The following SGCG variants were observed in gnomAD, a reference collection of about 807,000 sequenced individuals.
SGCG encodes gamma-sarcoglycan.
In SGCG, 26 loss-of-function variants were observed where a neutral mutation model predicts 29.3. The observed-to-expected ratio is 0.89, with a 90% CI of 0.65 to 1.23. The LOEUF (loss-of-function observed/expected upper bound fraction) is 1.23. Ranked by LOEUF, SGCG falls within the 50% of genes most tolerant of loss-of-function variation. SGCG has a pLI of 0.00. For missense variants in SGCG, 353 were observed against 356.0 expected (o/e 0.99, Z 0.07); for synonymous variants, 145 against 129.7 (o/e 1.12, Z -0.80).
At chr13:23,288,390 T>G (rs1467528715) in intron 5 of SGCG, among the ~76,000 whole-genome samples, 2 of 151,988 alleles carry the variant, frequency 1.3e-5, no homozygotes, top group Non-Finnish European at 2.9e-5. Flanking sequence ...AACTCCTGAC[T>G]GCACCAAGTC....
At chr13:23,177,511 T>C (rs1593155793), upstream of SGCG, among the ~76,000 whole-genome samples, 1 of 151,684 alleles carries the variant, frequency 6.6e-6, no homozygotes, top group African/African-American at 2.4e-5. Flanking sequence ...ATATATACAA[T>C]TAATATGTGT....
intron 5 of SGCG, among the ~76,000 whole-genome samples, chr13:23,293,762 C>A (rs754899648): frequency 6.6e-6 from 1 of 150,530 alleles, no homozygotes; most frequent in African/African-American, 2.5e-5. Context: ...AACTGGGAGG[C>A]GGAGATTGCA....
At chr13:23,203,378 AT>A (rs1487108797) in intron 1 of SGCG, among the ~76,000 whole-genome samples, 1 of 152,232 alleles carries the variant, frequency 6.6e-6, no homozygotes, top group Non-Finnish European at 1.5e-5. Context: ...ACCCTGAAGA[AT>A]TCTGATAGAT....
At chr13:23,205,456 T>C (rs1877949619) in intron 2 of SGCG, among the ~76,000 whole-genome samples, 1 of 152,118 alleles carries the variant, frequency 6.6e-6, no homozygotes, top group Non-Finnish European at 1.5e-5. Flanking sequence ...AGGAGGCCCA[T>C]GGAAGGGCCT....
intron 1 of SGCG, among the ~76,000 whole-genome samples, chr13:23,188,387 G>A (rs1028952333): frequency 7.2e-6 from 1 of 138,854 alleles, no homozygotes; most frequent in East Asian, 2.1e-4. Context: ...GTGCAATGGA[G>A]CGATCTCGGC....
intron 2 of SGCG, among the ~76,000 whole-genome samples, chr13:23,221,489 T>C (rs1269984481): frequency 2.0e-5 from 3 of 152,218 alleles, no homozygotes; most frequent in Non-Finnish European, 4.4e-5. Context: ...GTGCTGTCTA[T>C]GGTGGATCTT....
intron 6 of SGCG, 94 bp downstream of exon 6, chr13:23,295,581 TTTC>T (rs1250514325): frequency 1.2e-6 from 1 of 866,142 alleles, no homozygotes; most frequent in Non-Finnish European, 2.0e-6. Flanking sequence ...TTCCTGACTG[TTTC>T]TTATTTCATC....
Position 23,203,740 on chromosome 13 carries a change from G to A in SGCG, c.46G>A (p.Glu16Lys), listed in dbSNP as rs546543109. 11 of 1,613,988 alleles carry A rather than the reference G, an allele frequency of 6.8e-6. No homozygotes were observed. The South Asian group carries it at 1.2e-4, about 18-fold the overall frequency. ...TACAGCCACAGAAGGCATCTGCATA[G>A]AGAGGCCAGAGAATCAGTATGTCTA... ...YTTATEGICI[E>K]RPENQYVYKI... The change falls in exon 2 of 8, where the codon GAG becomes AAG. Residue 16 changes from glutamate to lysine, a missense_variant. Coordinates refer to ENST00000218867, the MANE Select transcript of SGCG (RefSeq NM_000231.3).
chr13:23,226,233 TA>T (rs1298133314), intron 2 of SGCG, among the ~76,000 whole-genome samples: 1 of 152,014 alleles, frequency 6.6e-6, no homozygotes, highest in Non-Finnish European at 1.5e-5. Flanking sequence ...AAGAGACAGT[TA>T]AAAGAAAATA....
At chr13:23,285,709 T>C (rs963070998) in intron 5 of SGCG, among the ~76,000 whole-genome samples, 2 of 152,212 alleles carry the variant, frequency 1.3e-5, no homozygotes, top group African/African-American at 4.8e-5. Flanking sequence ...CCACCCAGTT[T>C]TGTGCTTGAA....
intron 7 of SGCG, among the ~76,000 whole-genome samples, chr13:23,323,056 G>A (rs1480031128): frequency 6.6e-6 from 1 of 152,106 alleles, no homozygotes; most frequent in Non-Finnish European, 1.5e-5. Flanking sequence ...TAAAGGTGTA[G>A]GTGGATATGG....
At chr13:23,175,373 C>T in the SGCG span, among the ~76,000 whole-genome samples, 1 of 152,170 alleles carries the variant, frequency 6.6e-6, no homozygotes, top group East Asian at 1.9e-4. Context: ...TCCTTTTTAC[C>T]ATGCATAGAT....
intron 2 of SGCG, among the ~76,000 whole-genome samples, chr13:23,228,883 TTGTTTGAGACAGGGTCCTGCCC>T (rs2137537778): frequency 6.6e-6 from 1 of 152,298 alleles, no homozygotes; most frequent in South Asian, 2.1e-4. Flanking sequence ...CTTTATTTGT[TTGTTTGAGACAGGGTCCTGCCC>T]TGTCACCCAG....
At chr13:23,209,694 T>A (rs481484) in intron 2 of SGCG, among the ~76,000 whole-genome samples, 110,194 of 152,058 alleles carry the variant, frequency 0.72, 40,070 homozygotes, top group Admixed American at 0.76. Flanking sequence ...GCTTTGTGTT[T>A]GATGATTTTG....
At chr13:23,233,267 C>A (rs1033199812) in intron 2 of SGCG, among the ~76,000 whole-genome samples, 1 of 151,966 alleles carries the variant, frequency 6.6e-6, no homozygotes, top group African/African-American at 2.4e-5. Flanking sequence ...TATGCTATAA[C>A]GTGAAAGATC....
intron 1 of SGCG, among the ~76,000 whole-genome samples, chr13:23,199,770 G>A (rs1188330217): frequency 6.6e-6 from 1 of 152,184 alleles, no homozygotes; most frequent in East Asian, 1.9e-4. Context: ...GGTAAATACA[G>A]CTCAAATATG....
Position 23,253,493 on chromosome 13 carries a change from A to G in SGCG, c.385+2776A>G, listed in dbSNP as rs191196624. ...ACAGTTGCAACCCTTCTAGTCTCAT[A>G]TTTCCTGGAAGAAGTTAAATTTTGC... On this transcript the variant is annotated intron_variant, in intron 4 of 7. Coordinates refer to ENST00000218867, the MANE Select transcript of SGCG (RefSeq NM_000231.3). 3.9e-5 allele frequency among the ~76,000 whole-genome samples: 6 copies of G among 152,264 alleles called. No individual in the cohort carries two copies. In the East Asian group the frequency reaches 1.2e-3, roughly 29 times the overall value.
intron 2 of SGCG, among the ~76,000 whole-genome samples, chr13:23,207,606 A>G (rs1878030843): frequency 6.6e-6 from 1 of 152,216 alleles, no homozygotes; most frequent in Non-Finnish European, 1.5e-5. Context: ...AGGAACTCCT[A>G]TAACTCAAGA....
intron 4 of SGCG, among the ~76,000 whole-genome samples, chr13:23,261,105 C>G (rs1026696582): frequency 9.9e-5 from 15 of 152,078 alleles, no homozygotes; most frequent in African/African-American, 3.4e-4. Flanking sequence ...TGGGGAAGTT[C>G]TGCTGGATAA....
Sources: allele counts gnomAD v4.1 joint callset (sites outside exome capture counted in the v4.1 genomes callset), GRCh38; gene constraint gnomAD v4.1.1; transcripts MANE v1.5; gene names NCBI Gene and HGNC (gene_info 2026-07-23, HGNC 2026-07-21).